PIAS2: variants seen among roughly 807,000 people sequenced by gnomAD.
PIAS2 encodes the protein E3 SUMO-protein ligase PIAS2.
PIAS2 carries 19 observed loss-of-function variants against 69.7 expected under a neutral mutation model. That is an observed-to-expected ratio of 0.27 (90% CI 0.19 to 0.40). The LOEUF is 0.40. Ranked by LOEUF, PIAS2 falls within the 10% of genes least tolerant of loss-of-function variation. PIAS2 has a pLI of 1.00. For missense variants in PIAS2, 624 were observed against 757.0 expected, an observed-to-expected ratio of 0.82 and a Z score of 2.06; for synonymous variants, 261 against 263.2, an observed-to-expected ratio of 0.99 and a Z score of 0.08.
chr18:46,884,575 G>A (rs112604286), intron 2 of PIAS2, among the ~76,000 whole-genome samples: 67,906 of 151,638 alleles, frequency 0.45, 15,270 homozygotes, highest in Middle Eastern at 0.52. Context: ...CCTCCCAAAA[G>A]TGTTGGGATT....
chr18:46,845,157 T>C (rs2045983474), intron 6 of PIAS2, among the ~76,000 whole-genome samples: 1 of 152,210 alleles, frequency 6.6e-6, no homozygotes, highest in Non-Finnish European at 1.5e-5. Context: ...ACCCTGAAAA[T>C]GTACCCTCCT....
intron 12 of PIAS2, chr18:46,817,371 A>C: frequency 1.0e-6 from 1 of 963,734 alleles, no homozygotes; most frequent in Non-Finnish European, 1.2e-6. Flanking sequence ...CTTGATATAA[A>C]ACAGTTTGAA....
chr18:46,907,017 G>A (rs902537183), intron 1 of PIAS2, among the ~76,000 whole-genome samples: 8 of 152,128 alleles, frequency 5.3e-5, no homozygotes, highest in Non-Finnish European at 1.2e-4. Context: ...AAGGACCTGA[G>A]ACACCAAGAC....
At chr18:46,918,271 C>T (rs1265006980), upstream of PIAS2, among the ~76,000 whole-genome samples, 2 of 152,158 alleles carry the variant, frequency 1.3e-5, no homozygotes, top group African/African-American at 4.8e-5. Context: ...AATCGCTGGA[C>T]GGTGTCCAGG....
chr18:46,896,165 C>CAAAAAAA (rs1199712335), intron 1 of PIAS2, among the ~76,000 whole-genome samples: 5 of 31,946 alleles, frequency 1.6e-4, no homozygotes, highest in Non-Finnish European at 2.5e-4. Context: ...AAGAAAAAAG[C>CAAAAAAA]AAAAAAAAAA....
At chr18:46,824,364 T>G (rs1021047323) in intron 11 of PIAS2, among the ~76,000 whole-genome samples, 1 of 152,196 alleles carries the variant, frequency 6.6e-6, no homozygotes, top group East Asian at 1.9e-4. Context: ...TGGAGACATA[T>G]AGATTTATCC....
intron 2 of PIAS2, 146 bp downstream of exon 2, chr18:46,890,434 T>C (rs1654907378): frequency 1.7e-6 from 1 of 589,016 alleles, no homozygotes; most frequent in Non-Finnish European, 3.0e-6. Flanking sequence ...TCAGTCATGG[T>C]TGCCGAATTT....
intron 1 of PIAS2, among the ~76,000 whole-genome samples, chr18:46,910,021 T>C (rs2057079004): frequency 2.0e-5 from 3 of 152,086 alleles, no homozygotes; most frequent in Admixed American, 6.5e-5. Flanking sequence ...TAGCCGGGCA[T>C]GGTGCACACC....
chr18:46,916,754 G>A (rs2057968083), intron 1 of PIAS2: 20 of 904,064 alleles, frequency 2.2e-5, no homozygotes, highest in Non-Finnish European at 2.6e-5. Context: ...TTGAAGGCAG[G>A]GATCCCCAAA....
intron 13 of PIAS2, among the ~76,000 whole-genome samples, chr18:46,813,403 T>C (rs1295151283): frequency 6.6e-6 from 1 of 152,108 alleles, no homozygotes; most frequent in Non-Finnish European, 1.5e-5. Flanking sequence ...ACTCTAATAT[T>C]AACAGAGGAG....
At chr18:46,884,705 C>A (rs1300752012) in intron 2 of PIAS2, among the ~76,000 whole-genome samples, 1 of 152,032 alleles carries the variant, frequency 6.6e-6, no homozygotes, top group Non-Finnish European at 1.5e-5. Context: ...CACTTGAGGT[C>A]AGGAGTTTGA....
intron 5 of PIAS2, among the ~76,000 whole-genome samples, chr18:46,850,471 T>C (rs972774837): frequency 2.6e-5 from 4 of 152,210 alleles, no homozygotes; most frequent in African/African-American, 7.2e-5. Context: ...TTAGGTATAT[T>C]GCTTCCTCGA....
At position 46,913,943 on chromosome 18, in the gene PIAS2, T is replaced by C. The variant is rs1051893475; in HGVS notation, c.24+3379A>G. Among the ~76,000 whole-genome samples, 6 of 152,184 alleles carry C rather than the reference T, an allele frequency of 3.9e-5. No homozygotes were observed. In the East Asian group the frequency reaches 1.2e-3, roughly 29 times the overall value. On this transcript the variant is annotated intron_variant, in intron 1 of 13. Coordinates refer to ENST00000585916, the MANE Select transcript of PIAS2 (RefSeq NM_004671.5). Reference sequence around the variant, plus strand: ...TCTCAAAGCGCTGGAATTACAGGTGTGAGCTACCAAGCCCTGCCCTCCAGA... The same window carrying C: ...TCTCAAAGCGCTGGAATTACAGGTGCGAGCTACCAAGCCCTGCCCTCCAGA...
Position 46,806,353 on chromosome 18 carries a change from C to CTTTTTTTTTTTTTTTTTTT in PIAS2, c.*6061_*6079dup, listed in dbSNP as rs869187746. 22 of 60,204 alleles carry CTTTTTTTTTTTTTTTTTTT rather than the reference C, an allele frequency of 3.7e-4. 7 individuals are homozygous for CTTTTTTTTTTTTTTTTTTT. Among genetic ancestry groups the CTTTTTTTTTTTTTTTTTTT allele is most frequent in the Non-Finnish European group, 4.9e-4 (15 of 30,788 alleles). 3.7% of individuals were successfully genotyped at this position (60,204 alleles called of 1,614,324 possible). On this transcript the variant is annotated 3_prime_UTR_variant, in exon 14 of 14. Transcript: ENST00000585916. ...AAAATTCTTTGCACAATGCCTGTTA[C>CTTTTTTTTTTTTTTTTTTT]TTTTTTTTTTTTTTTTTTTTTTTTT...
At chr18:46,815,534 T>G (rs1297463650) in intron 12 of PIAS2, 185 bp from the exon 13 acceptor site, 1 of 985,102 alleles carries the variant, frequency 1.0e-6, no homozygotes, top group African/African-American at 1.7e-5. Flanking sequence ...GAATATATTC[T>G]CTGATAAAAC....
At chr18:46,899,682 G>A (rs1283074391) in intron 1 of PIAS2, among the ~76,000 whole-genome samples, 1 of 152,154 alleles carries the variant, frequency 6.6e-6, no homozygotes, top group African/African-American at 2.4e-5. Context: ...TTGCAGGCTG[G>A]TCTCAAACTC....
intron 1 of PIAS2, among the ~76,000 whole-genome samples, chr18:46,911,458 C>T (rs1046108570): frequency 2.6e-5 from 4 of 152,022 alleles, no homozygotes; most frequent in Admixed American, 6.6e-5. Context: ...TGAGGCGATC[C>T]GCCTGCCTGG....
chr18:46,878,368 A>G lies in PIAS2; in HGVS notation c.499+12212T>C, dbSNP rs139277152. Among the ~76,000 whole-genome samples, 46 of 152,368 alleles carry G rather than the reference A, an allele frequency of 3.0e-4. No individual in the cohort carries two copies. In the East Asian group the frequency reaches 8.7e-3, roughly 29 times the overall value. ...TTTTTAAGATACCAAAATTTCAGGA[A>G]AAAACAAGCAGTTCAACAGATATAT... On this transcript the variant is annotated intron_variant, in intron 2 of 13. Transcript: ENST00000585916.
chr18:46,899,144 C>T (rs1392144550), intron 1 of PIAS2, among the ~76,000 whole-genome samples: 1 of 151,680 alleles, frequency 6.6e-6, no homozygotes, highest in Non-Finnish European at 1.5e-5. Context: ...GAGAGCTTAA[C>T]AGACCAAAAC....
Sources: allele counts gnomAD v4.1 joint callset (sites outside exome capture counted in the v4.1 genomes callset), GRCh38; gene constraint gnomAD v4.1.1; transcripts MANE v1.5; gene names NCBI Gene and HGNC (gene_info 2026-07-23, HGNC 2026-07-21).